The following KRT39 variants were observed in gnomAD, a reference collection of about 807,000 sequenced individuals.
KRT39 encodes keratin 39.
In KRT39, 47 loss-of-function variants were observed where a neutral mutation model predicts 54.8. The ratio of observed to expected loss-of-function variants is 0.86; its 90% CI spans 0.68 to 1.09. The LOEUF (loss-of-function observed/expected upper bound fraction) is 1.09. Among genes scored for constraint, KRT39 ranks in the 50% least tolerant of loss-of-function variants. The pLI, the probability that KRT39 is intolerant of heterozygous loss-of-function variation, is 0.00. For synonymous variants in KRT39, 207 were observed against 227.9 expected (o/e 0.91, Z 0.83); for missense variants, 580 against 598.5 (o/e 0.97, Z 0.32).
At chr17:40,961,833 A>G (rs1019649230) in intron 5 of KRT39, among the ~76,000 whole-genome samples, 1 of 152,198 alleles carries the variant, frequency 6.6e-6, no homozygotes, top group Non-Finnish European at 1.5e-5. Flanking sequence ...TACTTCATGA[A>G]TCATTAATAC....
rs1199980274 is a variant in KRT39, at chr17:40,963,980, G to GA, written c.552-198dup. 4 of 457,100 alleles carry GA rather than the reference G, an allele frequency of 8.8e-6. No homozygotes were observed. In the East Asian group the frequency reaches 9.5e-5, roughly 11 times the overall value. The allele number at this position is 457,100 out of a possible 1,614,324, so 28.3% of individuals were successfully genotyped here. A position where few individuals can be genotyped will look rare whatever the true frequency, so the allele number is the denominator to read the frequency against. ...TATTCCCAAATTAGTTTGCTAGGGG[G>GA]ATCTACATTGCTGTTCTTTGAGATA... On this transcript the variant is annotated intron_variant, in intron 2 of 6. Coordinates refer to ENST00000355612, the MANE Select transcript of KRT39 (RefSeq NM_213656.4).
rs143048401 is a variant in KRT39, at chr17:40,964,760, G to T, written c.469-232C>A. Among the ~76,000 whole-genome samples, 682 of 122,976 alleles carry T rather than the reference G, an allele frequency of 5.5e-3. 4 individuals are homozygous for T. The highest frequency in any genetic ancestry group is 0.028 in the African/African-American group (593 of 21,398). The allele number at this position is 122,976 out of a possible 152,430, so 80.7% of individuals were successfully genotyped here. ...CTAGAAACTTTTAAGTATTTTTTTT[G>T]TTGTTGTTGTTAAAAAATCCAGGCT... is the stretch of plus-strand genomic sequence containing the variant. On this transcript the variant is annotated intron_variant, in intron 1 of 6. Transcript: ENST00000355612.
intron 5 of KRT39, 145 bp downstream of exon 5, chr17:40,962,017 C>T (rs1292982024): frequency 1.7e-6 from 2 of 1,166,418 alleles, no homozygotes; most frequent in Non-Finnish European, 2.4e-6. Context: ...CTTATTTGGC[C>T]ACAAAGCTCT....
At chr17:40,964,235 A>C in intron 2 of KRT39, 1 of 559,938 alleles carries the variant, frequency 1.8e-6, no homozygotes, top group South Asian at 2.6e-5. Flanking sequence ...TAGGTAATCA[A>C]ATGGGTTCAC....
At chr17:40,963,525 A>C in intron 3 of KRT39, 102 bp downstream of exon 3, 1 of 1,099,084 alleles carries the variant, frequency 9.1e-7, no homozygotes, top group East Asian at 2.4e-5. Flanking sequence ...TGTGAGAACG[A>C]ACTAATACAA....
chr17:40,962,631 C>G, intron 3 of KRT39, 68 bp from the exon 4 acceptor site: 2 of 1,348,122 alleles, frequency 1.5e-6, no homozygotes, highest in Non-Finnish European at 2.1e-6. Context: ...TTGTTTCACT[C>G]TAACTGCTAC....
Position 40,966,396 on chromosome 17 carries a change from T to A in KRT39, c.461A>T (p.Gln154Leu). Residue 154 changes from glutamine to leucine, a missense_variant, in exon 1 of 7, where the codon CAG becomes CTG. Physicochemically the swap from Gln to Leu is moderately radical, Grantham distance 113. Transcript: ENST00000355612. ...LSYYTTIEEL[Q>L]QKILCTKAEN... ...GGTTCTTAGGAATCTTACCTTCTGCTGGAGCTCCTCAATGGTAGTGTAGTA... is the reference window on the plus strand; with the variant it reads ...GGTTCTTAGGAATCTTACCTTCTGCAGGAGCTCCTCAATGGTAGTGTAGTA... The A allele has an allele frequency of 6.2e-7, 1 of 1,605,594 alleles. No individual in the cohort carries two copies. Among genetic ancestry groups the A allele is most frequent in the Non-Finnish European group, 8.5e-7 (1 of 1,172,854 alleles).
intron 5 of KRT39, among the ~76,000 whole-genome samples, chr17:40,961,016 AG>A (rs1232644261): frequency 6.6e-6 from 1 of 152,102 alleles, no homozygotes; most frequent in Admixed American, 6.5e-5. Flanking sequence ...CTGTAATCCC[AG>A]CTACTTGGGA....
At chr17:40,965,158 C>A (rs1056748573) in intron 1 of KRT39, among the ~76,000 whole-genome samples, 1 of 151,436 alleles carries the variant, frequency 6.6e-6, no homozygotes, top group Non-Finnish European at 1.5e-5. Flanking sequence ...GAGCCGAGAT[C>A]GCGCCACTGC....
intron 6 of KRT39, 56 bp downstream of exon 6, chr17:40,960,225 T>C: frequency 1.4e-6 from 2 of 1,470,098 alleles, no homozygotes; most frequent in South Asian, 2.3e-5. Context: ...TGGCAGTACA[T>C]ATATCTGCGT....
At chr17:40,965,938 A>G (rs1409325526) in intron 1 of KRT39, among the ~76,000 whole-genome samples, 1 of 152,044 alleles carries the variant, frequency 6.6e-6, no homozygotes, top group Non-Finnish European at 1.5e-5. Context: ...GCTGGAGTGC[A>G]GTGGCAGGAT....
chr17:40,963,873 G>T, intron 2 of KRT39, 90 bp from the exon 3 acceptor site: 2 of 952,338 alleles, frequency 2.1e-6, no homozygotes, highest in Non-Finnish European at 1.6e-6. Flanking sequence ...TTTGCTCTGG[G>T]CACCTCACTT....
Position 40,966,737 on chromosome 17 carries a change from T to A in KRT39, c.120A>T (p.Thr40=). Residue 40 remains threonine (T), a synonymous_variant, in exon 1 of 7, where the codon ACA becomes ACT. Transcript: ENST00000355612. The part of the protein sequence containing the change: ...SNNGCHPGGL[T]VNNCQPAGHV... ...GGCCAGCTGGTTGACAGTTGTTGAC[T>A]GTAAGGCCACCAGGATGGCAGCCGT... The A allele has an allele frequency of 1.2e-6, 2 of 1,614,192 alleles. No individual in the cohort carries two copies. Among genetic ancestry groups the A allele is most frequent in the Non-Finnish European group, 1.7e-6 (2 of 1,180,014 alleles).
intron 2 of KRT39, 101 bp downstream of exon 2, chr17:40,964,345 G>A: frequency 2.2e-6 from 2 of 906,982 alleles, no homozygotes; most frequent in Non-Finnish European, 3.7e-6. Context: ...AACATCATCT[G>A]GGGCAAGAGG....
chr17:40,964,282 G>A (rs1323482725), intron 2 of KRT39, 164 bp downstream of exon 2: 5 of 665,440 alleles, frequency 7.5e-6, no homozygotes, highest in Non-Finnish European at 1.4e-5. Flanking sequence ...CATGTGAGCA[G>A]TTATTAATCT....
At position 40,966,736 on chromosome 17, in the gene KRT39, C is replaced by G. The variant is rs749174518; in HGVS notation, c.121G>C (p.Val41Leu). 1.2e-6 allele frequency: 2 copies of G among 1,614,068 alleles called. No homozygotes were observed. Among genetic ancestry groups the G allele is most frequent in the Non-Finnish European group, 1.7e-6 (2 of 1,180,034 alleles). ...TGGCCAGCTGGTTGACAGTTGTTGACTGTAAGGCCACCAGGATGGCAGCCG... is the reference window on the plus strand; with the variant it reads ...TGGCCAGCTGGTTGACAGTTGTTGAGTGTAAGGCCACCAGGATGGCAGCCG... ...NNGCHPGGLTVNNCQPAGHVL... is the reference protein window; with the variant it reads ...NNGCHPGGLTLNNCQPAGHVL... The change falls in exon 1 of 7, where the codon GTC becomes CTC. Residue 41 changes from valine to leucine, a missense_variant. By Grantham distance (32) the Val-to-Leu change is conservative (BLOSUM62 1). Coordinates refer to ENST00000355612, the MANE Select transcript of KRT39 (RefSeq NM_213656.4).
chr17:40,965,350 T>C (rs1405367676), intron 1 of KRT39, among the ~76,000 whole-genome samples: 3 of 151,998 alleles, frequency 2.0e-5, no homozygotes, highest in African/African-American at 7.2e-5. Flanking sequence ...CACTCCAGCC[T>C]GGTGACAGAG....
At chr17:40,960,573 T>A (rs1010263628) in intron 5 of KRT39, 72 bp from the exon 6 acceptor site, 55 of 1,122,378 alleles carry the variant, frequency 4.9e-5, no homozygotes, top group Middle Eastern at 2.1e-4. Context: ...CTGTATCATT[T>A]AAAAAAAATG....
chr17:40,960,434 T>C lies in KRT39; in HGVS notation c.1064A>G (p.Gln355Arg). 6.2e-7 allele frequency: 1 copy of C among 1,614,108 alleles called. No homozygotes were observed. The highest frequency in any genetic ancestry group is 8.5e-7 in the Non-Finnish European group (1 of 1,179,998). ...AGCTTCCAGGTTATCAATCAGACTC[T>C]GGATCTGGGTCAGCAAGGCCGTGTA... ...ARYTALLTQIQSLIDNLEAQL... is the reference protein window; with the variant it reads ...ARYTALLTQIRSLIDNLEAQL... The change falls in exon 6 of 7, where the codon CAG becomes CGG. Residue 355 changes from glutamine (Q) to arginine (R), a missense_variant. Transcript: ENST00000355612.
Sources: gnomAD v4.1 joint callset for allele counts (sites outside exome capture counted in the v4.1 genomes callset) on GRCh38, gnomAD v4.1.1 for gene constraint, MANE v1.5 for transcripts, NCBI Gene and HGNC (gene_info 2026-07-23, HGNC 2026-07-21) for gene names.